ZNF165: variants seen among roughly 807,000 people sequenced by gnomAD.
ZNF165 encodes the protein cancer/testis antigen 53.
Under a neutral mutation model 19.6 loss-of-function variants are expected in ZNF165, and 14 were observed. The observed-to-expected ratio is 0.71, with a 90% CI of 0.47 to 1.12. The LOEUF (loss-of-function observed/expected upper bound fraction) is 1.12. Among genes scored for constraint, ZNF165 ranks in the 50% most tolerant of loss-of-function variants. The pLI, the probability that ZNF165 is intolerant of heterozygous loss-of-function variation, is 0.00. For missense variants in ZNF165, 504 were observed against 566.3 expected (o/e 0.89, Z 1.12); for synonymous variants, 165 against 195.0 (o/e 0.85, Z 1.28).
At position 28,089,170 on chromosome 6, in the gene ZNF165, T is replaced by A. The variant is rs767800377; in HGVS notation, c.1158T>A (p.Asp386Glu). ...ECGKSFAESS[D>E]LTRHRRIHTG... is the part of the protein sequence containing the mutation. ...GGAAAAGCTTTGCAGAGAGCTCAGA[T>A]CTTACTAGACATCGGCGAATTCACA... The change falls in exon 4 of 4, where the codon GAT becomes GAA. Residue 386 changes from aspartate to glutamate, a missense_variant. Physicochemically the swap from Asp to Glu is conservative, Grantham distance 45. Coordinates refer to ENST00000683778, the MANE Select transcript of ZNF165 (RefSeq NM_001376491.1). The A allele has an allele frequency of 1.9e-6, 3 of 1,614,170 alleles. No homozygotes were observed. Among genetic ancestry groups the A allele is most frequent in the Admixed American group, 1.7e-5 (1 of 60,020 alleles).
In ZNF165 at chr6:28,089,061, G is replaced by A; in HGVS notation, c.1049G>A (p.Gly350Glu). ...AAAACTCATCAGTGTAATGAATGTG[G>A]GAAAGCTTTCAGGCACAGCTCAAAA... Reference protein sequence around the residue: ...GDKTHQCNECGKAFRHSSKLA... With the variant: ...GDKTHQCNECEKAFRHSSKLA... The change falls in exon 4 of 4, where the codon GGG (glycine) becomes GAG (glutamate). Residue 350 changes from glycine (G) to glutamate (E), a missense_variant. Gly to Glu is a moderately conservative substitution (Grantham distance 98). Coordinates refer to ENST00000683778, the MANE Select transcript of ZNF165 (RefSeq NM_001376491.1). 1 of 1,614,184 alleles carries A rather than the reference G, an allele frequency of 6.2e-7. No homozygotes were observed. Among genetic ancestry groups the A allele is most frequent in the South Asian group, 1.1e-5 (1 of 91,084 alleles).
Position 28,085,556 on chromosome 6 carries a change from G to A in ZNF165, c.76G>A (p.Glu26Lys), listed in dbSNP as rs1334489581. The A allele has an allele frequency of 6.2e-7, 1 of 1,614,248 alleles. No individual in the cohort carries two copies. The highest frequency in any genetic ancestry group is 1.1e-5 in the South Asian group (1 of 91,080). ...DEGLLIVKIE[E>K]EEFIHGQDTC... The stretch of plus-strand genomic sequence containing the variant: ...AGGACTTCTGATAGTGAAGATAGAA[G>A]AGGAAGAATTTATCCATGGGCAGGA... Residue 26 changes from glutamate to lysine, a missense_variant, in exon 2 of 4, where the codon GAG becomes AAG. Transcript: ENST00000683778.
In ZNF165 at chr6:28,082,109, G is replaced by A. The variant is rs535130273; in HGVS notation, c.-1+1139G>A. Among the ~76,000 whole-genome samples, 7 of 152,218 alleles carry A rather than the reference G, an allele frequency of 4.6e-5. No individual in the cohort carries two copies. The South Asian group carries it at 1.2e-3, about 27-fold the overall frequency. Reference sequence around the variant, plus strand: ...AAAGAAATGGCCCAGTAAAATATAAGGGATTGAGACTCTCTGGTTAATATA... The same window carrying A: ...AAAGAAATGGCCCAGTAAAATATAAAGGATTGAGACTCTCTGGTTAATATA... On this transcript the variant is annotated intron_variant, in intron 1 of 3. Transcript: ENST00000683778.
chr6:28,086,250 C>T lies in ZNF165; in HGVS notation c.490C>T (p.Gln164Ter). Residue 164 changes from glutamine (Q) to a stop codon, truncating the protein, a stop_gained, in exon 3 of 4, where the codon CAG becomes TAG. Coordinates refer to ENST00000683778, the MANE Select transcript of ZNF165 (RefSeq NM_001376491.1). LOFTEE classifies it high-confidence loss of function. Reference protein sequence around the residue: ...PPGPALNVKLQPVETKAHFDS... With the variant: ...PPGPALNVKL Reference sequence around the variant, plus strand: ...TGGACCAGCACTTAATGTCAAGTTACAGCCAGTGGAGACCAAGGCCCATTT... The same window carrying T: ...TGGACCAGCACTTAATGTCAAGTTATAGCCAGTGGAGACCAAGGCCCATTT... The T allele has an allele frequency of 6.2e-7, 1 of 1,614,226 alleles. No individual in the cohort carries two copies. Among genetic ancestry groups the T allele is most frequent in the Non-Finnish European group, 8.5e-7 (1 of 1,180,046 alleles).
At chr6:28,087,740 G>C (rs957744152) in intron 3 of ZNF165, among the ~76,000 whole-genome samples, 1 of 152,160 alleles carries the variant, frequency 6.6e-6, no homozygotes, top group South Asian at 2.1e-4. Context: ...GCACAGTATA[G>C]AGTGGGATTT....
At position 28,089,016 on chromosome 6, in the gene ZNF165, C is replaced by T; in HGVS notation, c.1004C>T (p.Ala335Val). Reference protein sequence around the residue: ...SFKSPKLAKHAAVFSGDKTHQ... With the variant: ...SFKSPKLAKHVAVFSGDKTHQ... ...AAGAGCCCAAAACTTGCTAAACATG[C>T]AGCAGTTTTCAGTGGAGATAAAACT... is the stretch of plus-strand genomic sequence containing the variant. Residue 335 changes from alanine to valine, a missense_variant, in exon 4 of 4, where the codon GCA becomes GTA. Ala to Val is a moderately conservative substitution (Grantham distance 64). Coordinates refer to ENST00000683778, the MANE Select transcript of ZNF165 (RefSeq NM_001376491.1). 1 of 1,614,144 alleles carries T rather than the reference C, an allele frequency of 6.2e-7. No individual in the cohort carries two copies. Among genetic ancestry groups the T allele is most frequent in the Non-Finnish European group, 8.5e-7 (1 of 1,180,016 alleles).
chr6:28,084,444 G>T (rs985331331), intron 1 of ZNF165, among the ~76,000 whole-genome samples: 1 of 152,132 alleles, frequency 6.6e-6, no homozygotes, highest in Admixed American at 6.5e-5. Flanking sequence ...CAGATCACAA[G>T]GTCAGGAGTT....
At position 28,080,592 on chromosome 6, in the gene ZNF165, A is replaced by G. The variant is rs1277526746; in HGVS notation, c.-379A>G. The G allele has an allele frequency of 1.5e-5, 2 of 133,712 alleles. No homozygotes were observed. The highest frequency in any genetic ancestry group is 8.7e-5 in the Admixed American group (1 of 11,556). The allele number at this position is 133,712 out of a possible 1,614,324, so 8.3% of individuals were successfully genotyped here. ...GTATTTTTAGTAGACACAGGGTGTCACCGCGTAAACCAGGATAGTCTCGAT... is the reference window on the plus strand; with the variant it reads ...GTATTTTTAGTAGACACAGGGTGTCGCCGCGTAAACCAGGATAGTCTCGAT... On this transcript the variant is annotated 5_prime_UTR_variant, in exon 1 of 4. Coordinates refer to ENST00000683778, the MANE Select transcript of ZNF165 (RefSeq NM_001376491.1).
At chr6:28,086,020 GTC>G in intron 2 of ZNF165, 129 bp downstream of exon 2, 1 of 1,492,778 alleles carries the variant, frequency 6.7e-7, no homozygotes, top group Non-Finnish European at 9.0e-7. Flanking sequence ...CTCCTTTCCT[GTC>G]TGTTTGATTC....
At chr6:28,085,993 T>G in intron 2 of ZNF165, 102 bp downstream of exon 2, 1 of 1,522,956 alleles carries the variant, frequency 6.6e-7, no homozygotes, top group Non-Finnish European at 8.8e-7. Flanking sequence ...AGCTGTTGGT[T>G]CAGTGTGCAT....
intron 1 of ZNF165, among the ~76,000 whole-genome samples, chr6:28,083,766 G>A (rs187302853): frequency 3.5e-4 from 54 of 152,156 alleles, no homozygotes; most frequent in African/African-American, 1.2e-3. Flanking sequence ...TTGCTGCACC[G>A]AAAATTTATT....
Position 28,088,759 on chromosome 6 carries a change from T to C in ZNF165, c.747T>C (p.Ser249=), listed in dbSNP as rs775428891. ...CAGGGGAGTCTCAGAGACTCTCGTC[T>C]GCCCAGGATGAAGGTTTTGGTAAAA... is the stretch of plus-strand genomic sequence containing the variant. ...KESGESQRLS[S]AQDEGFGKIL... Residue 249 remains serine (S), a synonymous_variant, in exon 4 of 4, where the codon TCT becomes TCC. Coordinates refer to ENST00000683778, the MANE Select transcript of ZNF165 (RefSeq NM_001376491.1). The C allele has an allele frequency of 1.0e-4, 162 of 1,614,038 alleles. No individual in the cohort carries two copies. Among genetic ancestry groups the C allele is most frequent in the Non-Finnish European group, 1.3e-4 (150 of 1,180,032 alleles).
At chr6:28,083,040 A>G (rs203867) in intron 1 of ZNF165, among the ~76,000 whole-genome samples, 3,576 of 152,334 alleles carry the variant, frequency 0.023, 92 homozygotes, top group African/African-American at 0.068. Flanking sequence ...GGACTTATAT[A>G]TTCATATGTG....
rs369884055 is a variant in ZNF165 at position 28,089,124 on chromosome 6, G to C, written c.1112G>C (p.Cys371Ser). 7.0e-4 allele frequency: 1,123 copies of C among 1,614,128 alleles called. 13 individuals carry two copies. In the South Asian group the frequency reaches 0.011, roughly 16 times the overall value. ...CAGAGAATCCACACTGGAGAGAGAT[G>C]CTATGAATGTAATGAATGTGGGAAA... ...RHQRIHTGER[C>S]YECNECGKSF... Residue 371 changes from cysteine (C) to serine (S), a missense_variant, in exon 4 of 4, where the codon TGC becomes TCC. By Grantham distance (112) the Cys-to-Ser change is moderately radical (BLOSUM62 -1). Coordinates refer to ENST00000683778, the MANE Select transcript of ZNF165 (RefSeq NM_001376491.1).
Position 28,088,737 on chromosome 6 carries a change from G to A in ZNF165, c.725G>A (p.Gly242Glu). 4 of 1,614,100 alleles carry A rather than the reference G, an allele frequency of 2.5e-6. No individual in the cohort carries two copies. Among genetic ancestry groups the A allele is most frequent in the Non-Finnish European group, 3.4e-6 (4 of 1,180,020 alleles). Residue 242 changes from glycine (G) to glutamate (E), a missense_variant, in exon 4 of 4, where the codon GGG (glycine) becomes GAG (glutamate). Coordinates refer to ENST00000683778, the MANE Select transcript of ZNF165 (RefSeq NM_001376491.1). ...AAGAGACAATGGGAAAAAGAATCAG[G>A]GGAGTCTCAGAGACTCTCGTCTGCC... is the stretch of plus-strand genomic sequence containing the variant. ...RVKRQWEKESGESQRLSSAQD... is the reference protein window; with the variant it reads ...RVKRQWEKESEESQRLSSAQD...
At chr6:28,086,443 A>G (rs1764278138) in intron 3 of ZNF165, 133 bp downstream of exon 3, 1 of 1,333,386 alleles carries the variant, frequency 7.5e-7, no homozygotes, top group Non-Finnish European at 9.9e-7. Context: ...ACTTGTGGCC[A>G]GGTGCGGTGG....
At chr6:28,083,681 C>T (rs915539422) in intron 1 of ZNF165, among the ~76,000 whole-genome samples, 1 of 152,190 alleles carries the variant, frequency 6.6e-6, no homozygotes, top group Non-Finnish European at 1.5e-5. Context: ...CACCATTGCT[C>T]CATCTGCGAG....
At chr6:28,086,345 A>AAAGAAACAG (rs774862941) in intron 3 of ZNF165, 35 bp downstream of exon 3, 1 of 1,581,396 alleles carries the variant, frequency 6.3e-7, no homozygotes, top group Admixed American at 1.9e-5. Context: ...GCACATCACT[A>AAAGAAACAG]AAGAAACAGG....
Position 28,089,236 on chromosome 6 carries a change from A to G in ZNF165, c.1224A>G (p.Ala408=), listed in dbSNP as rs1429491400. 6 of 1,614,186 alleles carry G rather than the reference A, an allele frequency of 3.7e-6. No homozygotes were observed. The East Asian group carries it at 1.1e-4, about 30-fold the overall frequency. Reference sequence around the variant, plus strand: ...TTGGTTGCAAAGAATGTGGGAGAGCATTCAACCTGAACTCACATCTTATCA... The same window carrying G: ...TTGGTTGCAAAGAATGTGGGAGAGCGTTCAACCTGAACTCACATCTTATCA... ...RPFGCKECGR[A]FNLNSHLIRH... The change falls in exon 4 of 4, where the codon GCA becomes GCG. Residue 408 remains alanine, a synonymous_variant. Transcript: ENST00000683778.
Sources: gnomAD v4.1 joint callset for allele counts (sites outside exome capture counted in the v4.1 genomes callset) on GRCh38, gnomAD v4.1.1 for gene constraint, MANE v1.5 for transcripts, NCBI Gene and HGNC (gene_info 2026-07-23, HGNC 2026-07-21) for gene names.